Variants in CDH18 observed in about 807,000 individuals in gnomAD.
CDH18 encodes cadherin-18.
Under a neutral mutation model 67.9 loss-of-function variants are expected in CDH18, and 31 were observed. The observed-to-expected ratio is 0.46, with a 90% CI of 0.34 to 0.62. The LOEUF is 0.62. Among genes scored for constraint, CDH18 ranks in the 20% least tolerant of loss-of-function variants. The probability of loss-of-function intolerance (pLI) is 0.01; values close to 1 mark genes in which losing one functional copy is unlikely to be tolerated. For missense variants in CDH18, 890 were observed against 975.5 expected (o/e 0.91, Z 1.17); for synonymous variants, 362 against 347.2 (o/e 1.04, Z -0.48).
intron 11 of CDH18, among the ~76,000 whole-genome samples, chr5:19,494,193 A>G (rs1234663437): frequency 6.6e-6 from 1 of 152,094 alleles, no homozygotes; most frequent in Non-Finnish European, 1.5e-5. Flanking sequence ...ACTCAGGATA[A>G]TTTCTTTAGT....
intron 3 of CDH18, among the ~76,000 whole-genome samples, chr5:19,812,163 C>A (rs555658645): frequency 6.6e-6 from 1 of 152,178 alleles, no homozygotes; most frequent in African/African-American, 2.4e-5. Flanking sequence ...AAGGTATCAA[C>A]TTTAAACTTT....
At chr5:20,484,616 C>A (rs751990940) in intron 1 of CDH18, among the ~76,000 whole-genome samples, 4 of 151,994 alleles carry the variant, frequency 2.6e-5, no homozygotes, top group Non-Finnish European at 5.9e-5. Flanking sequence ...AGAATGATGA[C>A]CTGTCATTTA....
In CDH18 at chr5:19,480,263, CTCT is replaced by C. The variant is rs1452091164; in HGVS notation, c.1882+3035_1882+3037del. ...GTTTTCTCTTTCTGGAGTGTTTGTG[CTCT>C]TCTTCTTTTCAAATATACACAAAAA... On this transcript the variant is annotated intron_variant, in intron 12 of 12. Coordinates refer to ENST00000382275, the MANE Select transcript of CDH18 (RefSeq NM_004934.5). Among the ~76,000 whole-genome samples, 6 of 152,118 alleles carry C rather than the reference CTCT, an allele frequency of 3.9e-5. No homozygotes were observed. In the East Asian group the frequency reaches 9.6e-4, roughly 24 times the overall value.
chr5:20,115,580 C>G (rs1747837086), intron 2 of CDH18, among the ~76,000 whole-genome samples: 1 of 151,828 alleles, frequency 6.6e-6, no homozygotes, highest in South Asian at 2.1e-4. Context: ...ACTAATTATC[C>G]CCCAAAGGCC....
At chr5:19,854,185 G>C (rs1437682278) in intron 2 of CDH18, among the ~76,000 whole-genome samples, 1 of 152,062 alleles carries the variant, frequency 6.6e-6, no homozygotes, top group Non-Finnish European at 1.5e-5. Context: ...TTACTCATGA[G>C]ACATGGATGT....
intron 8 of CDH18, among the ~76,000 whole-genome samples, chr5:19,548,772 T>A (rs1736802946): frequency 1.4e-5 from 2 of 142,658 alleles, no homozygotes; most frequent in South Asian, 4.4e-4. Context: ...TTTTTTTTTA[T>A]GAAGTGTCGC....
intron 7 of CDH18, among the ~76,000 whole-genome samples, chr5:19,584,210 C>T (rs1475629345): frequency 6.6e-6 from 1 of 152,084 alleles, no homozygotes. Context: ...CTTCATTAAA[C>T]AATGAATGAA....
intron 1 of CDH18, among the ~76,000 whole-genome samples, chr5:20,401,606 C>G (rs1745777726): frequency 6.6e-6 from 1 of 152,160 alleles, no homozygotes; most frequent in South Asian, 2.1e-4. Flanking sequence ...AAACCACACA[C>G]TTATATACTT....
intron 2 of CDH18, among the ~76,000 whole-genome samples, chr5:20,003,085 C>T (rs1276104010): frequency 6.6e-6 from 1 of 151,992 alleles, no homozygotes; most frequent in African/African-American, 2.4e-5. Flanking sequence ...GTTGCCTTTA[C>T]CAATTTTAAT....
At chr5:19,926,416 T>C (rs2202798) in intron 2 of CDH18, among the ~76,000 whole-genome samples, 109,190 of 152,122 alleles carry the variant, frequency 0.72, 45,618 homozygotes, top group Non-Finnish European at 0.93. Context: ...TGTTTCTATC[T>C]GAATTTGCTA....
At chr5:20,416,495 T>C (rs1267558179) in intron 1 of CDH18, among the ~76,000 whole-genome samples, 1 of 152,032 alleles carries the variant, frequency 6.6e-6, no homozygotes, top group African/African-American at 2.4e-5. Flanking sequence ...AATTAATAGG[T>C]TTCTATATTC....
At chr5:20,047,824 T>A (rs563264268) in intron 2 of CDH18, among the ~76,000 whole-genome samples, 3 of 151,798 alleles carry the variant, frequency 2.0e-5, no homozygotes, top group African/African-American at 7.2e-5. Context: ...AAGTCTTTGA[T>A]ACTCTTTCAG....
intron 3 of CDH18, among the ~76,000 whole-genome samples, chr5:19,816,613 C>A (rs1004421385): frequency 6.6e-6 from 1 of 151,734 alleles, no homozygotes; most frequent in Non-Finnish European, 1.5e-5. Context: ...AAACATAAAT[C>A]CAATCTAGTC....
intron 9 of CDH18, among the ~76,000 whole-genome samples, chr5:19,528,848 G>A (rs1748150581): frequency 6.6e-6 from 1 of 151,786 alleles, no homozygotes; most frequent in South Asian, 2.1e-4. Flanking sequence ...GAAGTCTTGG[G>A]AAACTTTCAA....
chr5:19,531,318 C>T (rs1018108571), intron 9 of CDH18, among the ~76,000 whole-genome samples: 5 of 151,778 alleles, frequency 3.3e-5, no homozygotes, highest in African/African-American at 9.7e-5. Context: ...AACAGAAAAT[C>T]CACCAAAGAA....
At chr5:19,867,297 T>A (rs1310244353) in intron 2 of CDH18, among the ~76,000 whole-genome samples, 2 of 152,148 alleles carry the variant, frequency 1.3e-5, no homozygotes, top group African/African-American at 2.4e-5. Context: ...AATCTTACCT[T>A]CATAATCTGA....
chr5:19,831,758 C>A (rs1290785777), intron 3 of CDH18, among the ~76,000 whole-genome samples: 1 of 151,750 alleles, frequency 6.6e-6, no homozygotes, highest in East Asian at 1.9e-4. Context: ...GGATATATAC[C>A]CCCTCCCCCA....
At chr5:20,363,901 TGA>T (rs926930675) in intron 1 of CDH18, among the ~76,000 whole-genome samples, 3 of 152,100 alleles carry the variant, frequency 2.0e-5, no homozygotes, top group Non-Finnish European at 2.9e-5. Flanking sequence ...TGTAACACCA[TGA>T]GTCAGGCACT....
intron 1 of CDH18, among the ~76,000 whole-genome samples, chr5:20,553,614 A>C (rs1361981607): frequency 6.6e-6 from 1 of 152,232 alleles, no homozygotes; most frequent in Non-Finnish European, 1.5e-5. Flanking sequence ...TAGATGTCCC[A>C]TGTAACAGCA....
Sources: allele counts gnomAD v4.1 joint callset (sites outside exome capture counted in the v4.1 genomes callset), GRCh38; gene constraint gnomAD v4.1.1; transcripts MANE v1.5; gene names NCBI Gene and HGNC (gene_info 2026-07-23, HGNC 2026-07-21).